STK40: variants seen among roughly 807,000 people sequenced by gnomAD.
The protein encoded by STK40 is serine/threonine-protein kinase 40.
Under a neutral mutation model 47.9 loss-of-function variants are expected in STK40, and 13 were observed. That is an observed-to-expected ratio of 0.27 (90% CI 0.18 to 0.43). The LOEUF (loss-of-function observed/expected upper bound fraction) is 0.43. Among genes scored for constraint, STK40 ranks in the 20% least tolerant of loss-of-function variants. STK40 has a pLI of 1.00. For synonymous variants in STK40, 225 were observed against 243.2 expected (o/e 0.93, Z 0.69); for missense variants, 460 against 595.1 (o/e 0.77, Z 2.36).
chr1:36,359,106 A>T (rs1235943651), intron 2 of STK40, among the ~76,000 whole-genome samples: 1 of 152,196 alleles, frequency 6.6e-6, no homozygotes, highest in Non-Finnish European at 1.5e-5. Flanking sequence ...GTGAGCATCT[A>T]TTAAAAACAA....
At chr1:36,362,270 C>T (rs1646858692) in intron 1 of STK40, among the ~76,000 whole-genome samples, 1 of 152,156 alleles carries the variant, frequency 6.6e-6, no homozygotes, top group South Asian at 2.1e-4. Context: ...AAAGCAGGAT[C>T]CGGGGGGGAC....
chr1:36,383,302 A>C (rs976498550), intron 1 of STK40, among the ~76,000 whole-genome samples: 1 of 152,250 alleles, frequency 6.6e-6, no homozygotes, highest in Non-Finnish European at 1.5e-5. Flanking sequence ...GATTAAAAGC[A>C]CAAGTTAGCA....
rs772213669 is a variant in STK40, at chr1:36,343,850, G to T, written c.1004+10C>A. The T allele has an allele frequency of 1.3e-6, 2 of 1,575,814 alleles. No homozygotes were observed. The highest frequency in any genetic ancestry group is 2.7e-5 in the African/African-American group (2 of 74,066). ...CAGCCTTGTGCCCGGTCAAGTGCCT[G>T]TCCACTTACCATGATGCAATGATGG... On this transcript the variant is annotated intron_variant, in intron 9 of 10. Coordinates refer to ENST00000373132, the MANE Select transcript of STK40 (RefSeq NM_001282547.2).
intron 3 of STK40, 56 bp from the exon 4 acceptor site, chr1:36,358,438 G>C: frequency 6.4e-7 from 1 of 1,550,936 alleles, no homozygotes; most frequent in Non-Finnish European, 8.8e-7. Context: ...TTACACAGCA[G>C]AACAACCAGA....
At chr1:36,361,176 C>T (rs1371461878) in intron 2 of STK40, 45 bp downstream of exon 2, 1 of 1,609,460 alleles carries the variant, frequency 6.2e-7, no homozygotes, top group African/African-American at 1.3e-5. Flanking sequence ...GTGCCCTGCC[C>T]CTGCCTCCCA....
At chr1:36,384,520 T>G (rs1258904634) in intron 1 of STK40, among the ~76,000 whole-genome samples, 1 of 152,246 alleles carries the variant, frequency 6.6e-6, no homozygotes, top group Non-Finnish European at 1.5e-5. Context: ...CATCCTTGTT[T>G]TATAGACGAA....
intron 7 of STK40, among the ~76,000 whole-genome samples, chr1:36,345,575 C>G (rs1396294406): frequency 6.6e-6 from 1 of 152,180 alleles, no homozygotes; most frequent in African/African-American, 2.4e-5. Context: ...GTGTGGCTGA[C>G]CCCATGGCTG....
chr1:36,341,951 G>C lies in STK40; in HGVS notation c.1112C>G (p.Ser371Cys). Residue 371 changes from serine (S) to cysteine (C), a missense_variant, in exon 11 of 11, where the codon TCC becomes TGC. By Grantham distance (112) the Ser-to-Cys change is moderately radical (BLOSUM62 -1). This residue lies in a region of STK40 where 181 missense variants were observed against 218.9 expected (regional missense o/e 0.83). Coordinates refer to ENST00000373132, the MANE Select transcript of STK40 (RefSeq NM_001282547.2). The part of the protein sequence containing the change: ...SQEAKVTEEC[S>C]QYEFENYMRQ... ...CATGTAGTTCTCAAACTCGTACTGG[G>C]AGCACTCCTCCGTCACCTTCGCCTT... 6.2e-7 allele frequency: 1 copy of C among 1,613,806 alleles called. No individual in the cohort carries two copies. The highest frequency in any genetic ancestry group is 1.7e-5 in the Admixed American group (1 of 59,992).
rs894318868 is a variant in STK40 at position 36,343,536 on chromosome 1, G to A, written c.1005-88C>T. ...AACTGGAGTCAGACACACCTGGGTT[G>A]TGTTCCTGCCATGAGAGACTGCTTC... On this transcript the variant is annotated intron_variant, in intron 9 of 10. Coordinates refer to ENST00000373132, the MANE Select transcript of STK40 (RefSeq NM_001282547.2). The A allele has an allele frequency of 1.8e-5, 23 of 1,284,228 alleles. No individual in the cohort carries two copies. In the Admixed American group the frequency reaches 4.8e-4, roughly 27 times the overall value. The allele number at this position is 1,284,228 out of a possible 1,614,324, so 79.6% of individuals were successfully genotyped here.
chr1:36,348,782 G>A lies in STK40; in HGVS notation c.657C>T (p.Leu219=), dbSNP rs374988648. The A allele has an allele frequency of 1.8e-5, 29 of 1,608,440 alleles. No individual in the cohort carries two copies. Among genetic ancestry groups the A allele is most frequent in the Middle Eastern group, 1.6e-4 (1 of 6,078 alleles). Residue 219 remains leucine, a synonymous_variant, in exon 7 of 11, where the codon CTC becomes CTT. Coordinates refer to ENST00000373132, the MANE Select transcript of STK40 (RefSeq NM_001282547.2). ...THRITITNFC[L]GKHLVSEGDL... ...CCCCCTCGCTCACCAGATGCTTCCCGAGGCAGAAGTTGGTGATGGTTATCC... is the reference window on the plus strand; with the variant it reads ...CCCCCTCGCTCACCAGATGCTTCCCAAGGCAGAAGTTGGTGATGGTTATCC...
At chr1:36,344,342 C>T in intron 7 of STK40, 78 bp from the exon 8 acceptor site, 2 of 1,492,788 alleles carry the variant, frequency 1.3e-6, no homozygotes, top group Admixed American at 2.2e-5. Flanking sequence ...CCACCTGGGA[C>T]CCTCCACCTG....
Position 36,378,569 on chromosome 1 carries a change from C to G in STK40, c.-9+7154G>C, listed in dbSNP as rs575085554. ...CGCCTCCTGGGTTCAAGCGATTCTCCTGCCTCAGCCTCCTGAGTAGCTGGG... is the reference window on the plus strand; with the variant it reads ...CGCCTCCTGGGTTCAAGCGATTCTCGTGCCTCAGCCTCCTGAGTAGCTGGG... On this transcript the variant is annotated intron_variant, in intron 1 of 10. Coordinates refer to ENST00000373132, the MANE Select transcript of STK40 (RefSeq NM_001282547.2). Among the ~76,000 whole-genome samples the G allele has an allele frequency of 4.9e-3, 743 of 152,200 alleles. 2 individuals carry two copies. Among genetic ancestry groups the G allele is most frequent in the Non-Finnish European group, 7.7e-3 (523 of 68,004 alleles).
intron 1 of STK40, among the ~76,000 whole-genome samples, chr1:36,373,671 A>G (rs577764904): frequency 4.6e-5 from 7 of 152,364 alleles, no homozygotes; most frequent in African/African-American, 1.7e-4. Flanking sequence ...CTCCCTGACG[A>G]CAAAGATTCA....
chr1:36,359,529 C>A (rs1026072439), intron 2 of STK40, among the ~76,000 whole-genome samples: 1 of 152,224 alleles, frequency 6.6e-6, no homozygotes, highest in African/African-American at 2.4e-5. Context: ...TGGCCCCTGT[C>A]CAAGTGCCAG....
In STK40 at chr1:36,377,375, A is replaced by C. The variant is rs1647000176; in HGVS notation, c.-9+8348T>G. On this transcript the variant is annotated intron_variant, in intron 1 of 10. Coordinates refer to ENST00000373132, the MANE Select transcript of STK40 (RefSeq NM_001282547.2). ...TGGTAAAACCCCATCTCTACTAAAA[A>C]TACAAAAATTAGCCGGGTGTGGTGG... Among the ~76,000 whole-genome samples the C allele has an allele frequency of 2.0e-5, 3 of 151,698 alleles. No individual in the cohort carries two copies. In the South Asian group the frequency reaches 6.3e-4, roughly 32 times the overall value.
chr1:36,367,435 A>ACT lies in STK40; in HGVS notation c.-8-6097_-8-6096dup, dbSNP rs569945038. ...GCCTGAGTAGGGGGTACCTGATCTT[A>ACT]CTCTGTCAATTTGGGGCTAAAGTCA... On this transcript the variant is annotated intron_variant, in intron 1 of 10. Transcript: ENST00000373132. 4.0e-3 allele frequency among the ~76,000 whole-genome samples: 606 copies of ACT among 152,164 alleles called. 6 individuals carry two copies. Among genetic ancestry groups the ACT allele is most frequent in the Admixed American group, 6.5e-3 (99 of 15,282 alleles).
At chr1:36,364,134 G>A (rs1425011230) in intron 1 of STK40, among the ~76,000 whole-genome samples, 1 of 152,126 alleles carries the variant, frequency 6.6e-6, no homozygotes, top group African/African-American at 2.4e-5. Context: ...CTGGGTGACA[G>A]AGCAAGACTC....
At position 36,358,756 on chromosome 1, in the gene STK40, T is replaced by C. The variant is rs903461684; in HGVS notation, c.179A>G (p.Asp60Gly). 6.2e-7 allele frequency: 1 copy of C among 1,614,186 alleles called. No individual in the cohort carries two copies. Among genetic ancestry groups the C allele is most frequent in the African/African-American group, 1.3e-5 (1 of 75,062 alleles). Residue 60 changes from aspartate (D) to glycine (G), a missense_variant, in exon 3 of 11, where the codon GAT (aspartate) becomes GGT (glycine). This residue lies in a region of STK40 where 277 missense variants were observed against 358.7 expected (regional missense o/e 0.77). Transcript: ENST00000373132. ...ACTTACCTTCAGCTGATAGAAGTCA[T>C]CCGTGCCATCTTTCCTCGCCAAACA... is the stretch of plus-strand genomic sequence containing the variant. ...VQCLARKDGTDDFYQLKILTL... is the reference protein window; with the variant it reads ...VQCLARKDGTGDFYQLKILTL...
At chr1:36,358,190 C>T (rs1453723366) in intron 4 of STK40, 49 bp downstream of exon 4, 1 of 1,495,654 alleles carries the variant, frequency 6.7e-7, no homozygotes, top group South Asian at 1.3e-5. Flanking sequence ...TGGCAGCCCA[C>T]AGAGCCAGCC....
Sources: gnomAD v4.1 joint callset for allele counts (sites outside exome capture counted in the v4.1 genomes callset) on GRCh38, gnomAD v4.1.1 for gene constraint, gnomAD v4.1.1 regional missense constraint, MANE v1.5 for transcripts, NCBI Gene and HGNC (gene_info 2026-07-23, HGNC 2026-07-21) for gene names.